Variants in MFF observed in about 807,000 individuals in gnomAD.
MFF encodes chromosome 2 open reading frame 33.
MFF carries 12 observed loss-of-function variants against 36.9 expected under a neutral mutation model. The ratio of observed to expected loss-of-function variants is 0.33; its 90% CI spans 0.21 to 0.53. The LOEUF is 0.53. MFF is among the 20% of genes least tolerant of loss of function. The pLI, the probability that MFF is intolerant of heterozygous loss-of-function variation, is 0.95. For missense variants in MFF, 348 were observed against 366.6 expected (o/e 0.95, Z 0.42); for synonymous variants, 99 against 126.2 (o/e 0.78, Z 1.44).
At chr2:227,334,220 G>A (rs914737898) in intron 4 of MFF, among the ~76,000 whole-genome samples, 15 of 152,292 alleles carry the variant, frequency 9.8e-5, no homozygotes, top group African/African-American at 2.6e-4. Context: ...GTTCTAATTC[G>A]TGTTAAAAGC....
chr2:227,355,731 T>C lies in MFF; in HGVS notation c.714T>C (p.Thr238=). Residue 238 remains threonine, a synonymous_variant, in exon 8 of 9, where the codon ACT becomes ACC. Coordinates refer to ENST00000304593, the MANE Select transcript of MFF (RefSeq NM_001277062.2). ...TTGAAGGAACGTCAGATGACCTGAC[T>C]GTTGTAGATGCAGCTTCACTAAGAC... ...TTIEGTSDDL[T]VVDAASLRRQ... is the part of the protein sequence containing the mutation. The C allele has an allele frequency of 6.2e-7, 1 of 1,611,410 alleles. No homozygotes were observed. Among genetic ancestry groups the C allele is most frequent in the Non-Finnish European group, 8.5e-7 (1 of 1,177,668 alleles).
chr2:227,352,877 C>G (rs2076072135), intron 7 of MFF, among the ~76,000 whole-genome samples: 1 of 152,158 alleles, frequency 6.6e-6, no homozygotes, highest in Admixed American at 6.6e-5. Flanking sequence ...AGAAAAAAGT[C>G]TTAAATCTTA....
At chr2:227,347,083 TTGAC>T (rs1574971159) in intron 5 of MFF, 139 bp from the exon 6 acceptor site, 14 of 631,798 alleles carry the variant, frequency 2.2e-5, no homozygotes, top group South Asian at 1.8e-4. Context: ...TATTTATTCT[TTGAC>T]TGTTTTCTTG....
intron 6 of MFF, among the ~76,000 whole-genome samples, chr2:227,350,510 C>T (rs1017175857): frequency 6.6e-6 from 1 of 151,972 alleles, no homozygotes; most frequent in Admixed American, 6.6e-5. Context: ...AATAAGAAAC[C>T]AATGTATGAA....
At chr2:227,352,487 G>A in intron 6 of MFF, 27 bp from the exon 7 acceptor site, 1 of 1,504,492 alleles carries the variant, frequency 6.6e-7, no homozygotes. Context: ...TCTGTCTTGT[G>A]CCTTCTCCCG....
chr2:227,339,155 G>A (rs920935845), intron 4 of MFF, among the ~76,000 whole-genome samples: 23 of 149,378 alleles, frequency 1.5e-4, no homozygotes, highest in African/African-American at 5.4e-4. Context: ...CGAGCCATGA[G>A]CATGCCACTG....
chr2:227,347,040 G>A (rs1170829465), intron 5 of MFF, 186 bp from the exon 6 acceptor site: 1 of 535,700 alleles, frequency 1.9e-6, no homozygotes, highest in African/African-American at 1.9e-5. Flanking sequence ...TATAAGTGCT[G>A]CCTTGTAGCT....
intron 3 of MFF, 85 bp downstream of exon 3, chr2:227,330,931 A>C: frequency 8.6e-7 from 1 of 1,156,284 alleles, no homozygotes; most frequent in Admixed American, 2.5e-5. Flanking sequence ...TCTAAATGTT[A>C]TTTAGAAAAG....
chr2:227,346,211 T>C (rs1419386195), intron 5 of MFF: 1 of 167,118 alleles, frequency 6.0e-6, no homozygotes, highest in Admixed American at 6.5e-5. Flanking sequence ...CCATCTGCTT[T>C]GTTTTTATTC....
intron 4 of MFF, among the ~76,000 whole-genome samples, chr2:227,337,604 TA>T (rs2075103186): frequency 6.6e-6 from 1 of 152,204 alleles, no homozygotes; most frequent in Non-Finnish European, 1.5e-5. Context: ...GCAAAGTGTC[TA>T]GTGCTACATG....
intron 2 of MFF, chr2:227,330,144 C>T (rs1464158054): frequency 1.1e-5 from 2 of 182,416 alleles, no homozygotes; most frequent in Non-Finnish European, 2.3e-5. Flanking sequence ...TGTTATGCAT[C>T]TGTCATTTAA....
chr2:227,333,625 T>A (rs2074765818), intron 4 of MFF, among the ~76,000 whole-genome samples: 1 of 152,102 alleles, frequency 6.6e-6, no homozygotes, highest in Non-Finnish European at 1.5e-5. Context: ...GGGAAAGACA[T>A]CAACGCATGC....
intron 1 of MFF, among the ~76,000 whole-genome samples, chr2:227,327,452 G>GT (rs2074244912): frequency 1.3e-5 from 2 of 152,056 alleles, no homozygotes; most frequent in Admixed American, 6.5e-5. Context: ...ATTTTGATTG[G>GT]TTTTAAGCAG....
chr2:227,344,937 CA>C (rs1309362915), intron 5 of MFF, among the ~76,000 whole-genome samples: 2 of 152,138 alleles, frequency 1.3e-5, no homozygotes, highest in Non-Finnish European at 2.9e-5. Context: ...TATCTTTCTA[CA>C]TAAGTATTTT....
chr2:227,329,876 C>G, intron 2 of MFF: 1 of 774,106 alleles, frequency 1.3e-6, no homozygotes, highest in East Asian at 2.8e-5. Flanking sequence ...TGCTCTTTTA[C>G]ATTTTTATCA....
Position 227,340,306 on chromosome 2 carries a change from C to A in MFF, c.366C>A (p.Gly122=). Residue 122 remains glycine (G), a synonymous_variant, in exon 5 of 9, where the codon GGC becomes GGA. Transcript: ENST00000304593. ...TPQNEEIRAV[G]RLKRERSMSE... ...TGCCTTAACAGATCCGAGCAGTTGG[C>A]AGACTAAAAAGAGAGCGGTCTATGA... The A allele has an allele frequency of 1.2e-6, 2 of 1,613,664 alleles. No individual in the cohort carries two copies. The highest frequency in any genetic ancestry group is 2.2e-5 in the South Asian group (2 of 91,046).
At chr2:227,335,648 T>C (rs2074945729) in intron 4 of MFF, among the ~76,000 whole-genome samples, 1 of 152,220 alleles carries the variant, frequency 6.6e-6, no homozygotes, top group Non-Finnish European at 1.5e-5. Flanking sequence ...ATAAAATTGT[T>C]GTCTGAAAGC....
intron 1 of MFF, among the ~76,000 whole-genome samples, chr2:227,326,009 T>C (rs1421313113): frequency 1.3e-5 from 2 of 152,142 alleles, no homozygotes; most frequent in Non-Finnish European, 2.9e-5. Context: ...CTGCAGGCAG[T>C]TGCTCTCGGG....
In MFF at chr2:227,340,130, AG is replaced by A. The variant is rs527756236; in HGVS notation, c.352-161del. On this transcript the variant is annotated intron_variant, in intron 4 of 8. Transcript: ENST00000304593. ...TGTGTCTTGTTTTGTTTTTAAAGCA[AG>A]TCTGTCAGTAATACACTGCCTGGCA... Among the ~76,000 whole-genome samples the A allele has an allele frequency of 9.9e-4, 150 of 152,250 alleles. 1 individual carries two copies. Among genetic ancestry groups the A allele is most frequent in the African/African-American group, 3.4e-3 (141 of 41,540 alleles).
Sources: allele counts gnomAD v4.1 joint callset (sites outside exome capture counted in the v4.1 genomes callset), GRCh38; gene constraint gnomAD v4.1.1; transcripts MANE v1.5; gene names NCBI Gene and HGNC (gene_info 2026-07-23, HGNC 2026-07-21).